Variants in LOC728743 observed in about 807,000 individuals in gnomAD.
At chr7:150,402,106 A>C in the LOC728743 span, among the ~76,000 whole-genome samples, 1 of 152,246 alleles carries the variant, frequency 6.6e-6, no homozygotes, top group Non-Finnish European at 1.5e-5. Flanking sequence ...TTGTTGTTTT[A>C]ATAAACTTGA....
the LOC728743 span, chr7:150,408,477 G>T: frequency 3.2e-6 from 1 of 316,864 alleles, no homozygotes; most frequent in Non-Finnish European, 5.8e-6. Flanking sequence ...TGGCCCATCC[G>T]GCCTAGAGCA....
chr7:150,405,612 A>G, the LOC728743 span: 3 of 143,378 alleles, frequency 2.1e-5, no homozygotes, highest in Non-Finnish European at 4.5e-5. Context: ...AGGCCTACGT[A>G]TTTTCGTGGG....
the LOC728743 span, among the ~76,000 whole-genome samples, chr7:150,402,515 A>G: frequency 2.0e-5 from 3 of 152,256 alleles, no homozygotes; most frequent in African/African-American, 2.4e-5. Flanking sequence ...TTCAACAGAC[A>G]TCGACTGAGG....
chr7:150,407,642 T>TC, the LOC728743 span: 1 of 398,560 alleles, frequency 2.5e-6, no homozygotes, highest in African/African-American at 2.1e-5. Context: ...CGGGGGCGGG[T>TC]CCCCTGCGGG....
At chr7:150,406,767 G>T in the LOC728743 span, among the ~76,000 whole-genome samples, 1 of 152,184 alleles carries the variant, frequency 6.6e-6, no homozygotes, top group Non-Finnish European at 1.5e-5. Flanking sequence ...TGAGGGTGCT[G>T]CTCAGCCTTG....
At chr7:150,402,191 A>G in the LOC728743 span, among the ~76,000 whole-genome samples, 5 of 152,366 alleles carry the variant, frequency 3.3e-5, no homozygotes, top group East Asian at 9.6e-4. Context: ...TAACCCACAT[A>G]AAGAATTAAC....
At chr7:150,405,023 A>T in the LOC728743 span, 1 of 152,158 alleles carries the variant, frequency 6.6e-6, no homozygotes. Context: ...GAAAATAGGG[A>T]TGGTGCTATA....
At chr7:150,407,568 G>T in the LOC728743 span, 3 of 397,516 alleles carry the variant, frequency 7.5e-6, no homozygotes, top group African/African-American at 4.1e-5. Context: ...CCCCGCCCCC[G>T]CTTCTGTCTC....
At chr7:150,407,746 C>G in the LOC728743 span, 1 of 399,962 alleles carries the variant, frequency 2.5e-6, no homozygotes, top group East Asian at 3.6e-5. Flanking sequence ...GCGGCCAGAC[C>G]TTCTCGCAGC....
At chr7:150,406,827 C>A in the LOC728743 span, among the ~76,000 whole-genome samples, 17 of 152,268 alleles carry the variant, frequency 1.1e-4, no homozygotes, top group South Asian at 2.7e-3. Flanking sequence ...TGAGACCAGT[C>A]CCCCTGGGAG....
the LOC728743 span, among the ~76,000 whole-genome samples, chr7:150,409,604 G>A: frequency 1.3e-5 from 2 of 152,230 alleles, no homozygotes; most frequent in Admixed American, 6.5e-5. Context: ...GAACCTTTTA[G>A]CTTCACTGCT....
At chr7:150,406,307 G>C in the LOC728743 span, among the ~76,000 whole-genome samples, 1 of 152,196 alleles carries the variant, frequency 6.6e-6, no homozygotes, top group Non-Finnish European at 1.5e-5. Context: ...GAATGGATGA[G>C]GCAGGCCTTA....
chr7:150,403,972 G>C, the LOC728743 span, among the ~76,000 whole-genome samples: 1 of 152,234 alleles, frequency 6.6e-6, no homozygotes, highest in Non-Finnish European at 1.5e-5. This position sits in a 1 kb window ranked among gnomAD's most constrained non-coding sequence, Gnocchi z 5.1. Context: ...GAATTCTTCA[G>C]TTCCCAGGCT....
chr7:150,408,879 A>T, the LOC728743 span, among the ~76,000 whole-genome samples: 1 of 152,170 alleles, frequency 6.6e-6, no homozygotes. Context: ...ACAGAGCCTT[A>T]GTTGATTCTG....
the LOC728743 span, chr7:150,408,511 G>C: frequency 2.6e-5 from 7 of 272,254 alleles, no homozygotes; most frequent in South Asian, 8.5e-4. Context: ...GGGCTGGCCA[G>C]AGCCCCTCTC....
At chr7:150,409,289 G>A in the LOC728743 span, among the ~76,000 whole-genome samples, 1 of 152,144 alleles carries the variant, frequency 6.6e-6, no homozygotes, top group Non-Finnish European at 1.5e-5. Flanking sequence ...TTTAGGAGGA[G>A]AATCAGAGGC....
the LOC728743 span, chr7:150,410,230 G>A: frequency 2.5e-6 from 1 of 398,734 alleles, no homozygotes. Flanking sequence ...CAGGAATGGA[G>A]TTCCATGGAG....
the LOC728743 span, chr7:150,410,730 C>G: frequency 2.6e-5 from 4 of 152,294 alleles, no homozygotes; most frequent in African/African-American, 7.2e-5. Flanking sequence ...AAACAGATAA[C>G]TGACGTAGAC....
chr7:150,410,370 T>C, the LOC728743 span: 1 of 392,502 alleles, frequency 2.5e-6, no homozygotes, highest in Admixed American at 4.4e-5. Flanking sequence ...CAAGCTCTGG[T>C]GGACAAACTC....
Sources: allele counts gnomAD v4.1 joint callset (sites outside exome capture counted in the v4.1 genomes callset), GRCh38; gene constraint gnomAD v4.1.1; non-coding constraint Gnocchi (gnomAD v3.1); transcripts MANE v1.5.